SFXN5: variants seen among roughly 807,000 people sequenced by gnomAD.
SFXN5 encodes the protein sideroflexin-5.
A neutral mutation model predicts 50.2 loss-of-function variants in SFXN5; 43 were observed. The observed-to-expected ratio is 0.86, with a 90% CI of 0.67 to 1.11. The LOEUF (loss-of-function observed/expected upper bound fraction) is 1.11. Ranked by LOEUF, SFXN5 falls within the 50% of genes least tolerant of loss-of-function variation. The pLI is 0.00. For synonymous variants in SFXN5, 203 were observed against 185.8 expected (o/e 1.09, Z -0.75); for missense variants, 463 against 454.1 (o/e 1.02, Z -0.18).
At chr2:72,982,518 T>C (rs1356779205) in intron 10 of SFXN5, among the ~76,000 whole-genome samples, 1 of 152,202 alleles carries the variant, frequency 6.6e-6, no homozygotes, top group Non-Finnish European at 1.5e-5. Context: ...GAGCACTGAC[T>C]GTGTGCCAGG....
Position 73,030,708 on chromosome 2 carries a change from C to CA in SFXN5, c.250-7495dup, listed in dbSNP as rs1425365472. 3.9e-5 allele frequency among the ~76,000 whole-genome samples: 6 copies of CA among 152,338 alleles called. No individual in the cohort carries two copies. The East Asian group carries it at 1.2e-3, about 29-fold the overall frequency. On this transcript the variant is annotated intron_variant, in intron 3 of 13. Coordinates refer to ENST00000272433, the MANE Select transcript of SFXN5 (RefSeq NM_144579.3). Reference sequence around the variant, plus strand: ...CTTTCTGTCTCCACGACATTCACTACACTAGGTATCTCATACAAGTGGAAT... The same window carrying CA: ...CTTTCTGTCTCCACGACATTCACTACAACTAGGTATCTCATACAAGTGGAAT...
chr2:73,038,408 T>A (rs957847743), intron 3 of SFXN5, among the ~76,000 whole-genome samples: 2 of 152,166 alleles, frequency 1.3e-5, no homozygotes, highest in Admixed American at 1.3e-4. Context: ...AGTGGGTGAA[T>A]GTGAAGGCCT....
At chr2:73,013,673 G>A (rs1022363800) in intron 6 of SFXN5, among the ~76,000 whole-genome samples, 6 of 151,886 alleles carry the variant, frequency 4.0e-5, no homozygotes, top group Non-Finnish European at 7.4e-5. Flanking sequence ...TACCTCTCTC[G>A]ATATATTTAT....
intron 8 of SFXN5, among the ~76,000 whole-genome samples, chr2:72,999,251 G>T (rs1372527624): frequency 6.6e-6 from 1 of 152,204 alleles, no homozygotes; most frequent in African/African-American, 2.4e-5. Flanking sequence ...CTCCTGCCCT[G>T]TTCTAGAAAG....
chr2:72,993,551 G>A (rs1159880604), intron 9 of SFXN5, among the ~76,000 whole-genome samples: 1 of 152,182 alleles, frequency 6.6e-6, no homozygotes, highest in Non-Finnish European at 1.5e-5. Flanking sequence ...TACATGGGAG[G>A]GGGCAACAAC....
chr2:73,036,210 C>T (rs1400050387), intron 3 of SFXN5, among the ~76,000 whole-genome samples: 1 of 152,100 alleles, frequency 6.6e-6, no homozygotes, highest in East Asian at 1.9e-4. Context: ...GCCAAGCCCC[C>T]CAAGCCCTGA....
rs1438144344 is a variant in SFXN5, at chr2:73,071,707, G to A, written c.-2C>T. The A allele has an allele frequency of 7.4e-6, 12 of 1,611,658 alleles. No homozygotes were observed. The highest frequency in any genetic ancestry group is 9.3e-6 in the Non-Finnish European group (11 of 1,179,500). ...TGCTGTAGTCGCTGTATCCGCCATG[G>A]CCACTGACGCCCGCAATCTCCGGCC... On this transcript the variant is annotated 5_prime_UTR_variant, in exon 1 of 14. Coordinates refer to ENST00000272433, the MANE Select transcript of SFXN5 (RefSeq NM_144579.3).
At chr2:72,952,887 T>C (rs1406975534) in intron 13 of SFXN5, among the ~76,000 whole-genome samples, 1 of 152,198 alleles carries the variant, frequency 6.6e-6, no homozygotes, top group Non-Finnish European at 1.5e-5. Context: ...GGGCTGAGCC[T>C]TGCTGCAGGC....
chr2:72,963,091 C>T (rs755121109), intron 12 of SFXN5, among the ~76,000 whole-genome samples: 1 of 152,190 alleles, frequency 6.6e-6, no homozygotes, highest in South Asian at 2.1e-4. Context: ...ATACAAGGCT[C>T]ATTCTCCAAG....
intron 9 of SFXN5, chr2:72,997,563 T>A (rs940534364): frequency 2.0e-5 from 3 of 151,964 alleles, no homozygotes; most frequent in Non-Finnish European, 2.9e-5. Flanking sequence ...TGGGGTTTTT[T>A]AATTTCTTAA....
chr2:73,071,616 G>C lies in SFXN5; in HGVS notation c.90C>G (p.Pro30=), dbSNP rs763181898. 6.2e-7 allele frequency: 1 copy of C among 1,613,704 alleles called. No homozygotes were observed. Among genetic ancestry groups the C allele is most frequent in the Admixed American group, 1.7e-5 (1 of 59,996 alleles). Residue 30 remains proline (P), a synonymous_variant, in exon 1 of 14, where the codon CCC becomes CCG. Transcript: ENST00000272433. ...GCCCGGTCCTCACCTGCTGGAAGCG[G>C]GGTTTGCCCAGTTGGAAAGGAGGTG... The part of the protein sequence containing the change: ...SDAPPFQLGK[P]RFQQTSFYGR...
chr2:73,059,291 G>A, intron 1 of SFXN5: 34 of 985,658 alleles, frequency 3.4e-5, no homozygotes, highest in Non-Finnish European at 4.1e-5. Flanking sequence ...GACTAAGCCA[G>A]CTGGGCAAAG....
At chr2:73,033,541 T>C (rs1208759065) in intron 3 of SFXN5, among the ~76,000 whole-genome samples, 4 of 152,100 alleles carry the variant, frequency 2.6e-5, no homozygotes, top group Non-Finnish European at 5.9e-5. Context: ...AAGGAGAGAA[T>C]GAGTCATGCA....
At chr2:73,062,732 T>C (rs1358760869) in intron 1 of SFXN5, among the ~76,000 whole-genome samples, 1 of 152,058 alleles carries the variant, frequency 6.6e-6, no homozygotes, top group Non-Finnish European at 1.5e-5. Flanking sequence ...TACAAAACAC[T>C]GATCAGAGTT....
intron 1 of SFXN5, among the ~76,000 whole-genome samples, chr2:73,064,068 C>G (rs1683005545): frequency 6.6e-6 from 1 of 152,196 alleles, no homozygotes; most frequent in Non-Finnish European, 1.5e-5. Flanking sequence ...CCAGGGCCTA[C>G]AGCAGCAGCT....
chr2:72,972,022 C>T (rs1045320878), intron 10 of SFXN5, among the ~76,000 whole-genome samples: 12 of 152,228 alleles, frequency 7.9e-5, no homozygotes, highest in Non-Finnish European at 1.5e-4. Context: ...TCTGGGAGGG[C>T]TCTCTGACCT....
At chr2:73,024,417 G>A (rs1204681739) in intron 3 of SFXN5, among the ~76,000 whole-genome samples, 1 of 152,206 alleles carries the variant, frequency 6.6e-6, no homozygotes, top group Non-Finnish European at 1.5e-5. Flanking sequence ...AACACTTTAG[G>A]AGGCCAAAGC....
intron 1 of SFXN5, among the ~76,000 whole-genome samples, chr2:73,064,672 A>AC (rs1683050266): frequency 6.6e-6 from 1 of 152,014 alleles, no homozygotes; most frequent in South Asian, 2.1e-4. Context: ...AGCTCTCCAT[A>AC]CCCCAGAGGG....
At chr2:72,988,428 G>T in intron 9 of SFXN5, 80 bp from the exon 10 acceptor site, 1 of 1,216,654 alleles carries the variant, frequency 8.2e-7, no homozygotes, top group Non-Finnish European at 1.2e-6. Flanking sequence ...AGAACTGGAG[G>T]AACATCAGAG....
Sources: gnomAD v4.1 joint callset for allele counts (sites outside exome capture counted in the v4.1 genomes callset) on GRCh38, gnomAD v4.1.1 for gene constraint, MANE v1.5 for transcripts, NCBI Gene and HGNC (gene_info 2026-07-23, HGNC 2026-07-21) for gene names.